Variants in PTPRT observed in about 807,000 individuals in gnomAD.
The protein encoded by PTPRT is receptor-type tyrosine-protein phosphatase T.
In PTPRT, 56 loss-of-function variants were observed where a neutral mutation model predicts 176.8. The observed-to-expected ratio is 0.32, with a 90% CI of 0.26 to 0.40. PTPRT has a LOEUF of 0.40. PTPRT is among the 10% of genes least tolerant of loss of function. The pLI is 1.00. For missense variants in PTPRT, 1,540 were observed against 1,908.2 expected (o/e 0.81, Z 3.60); for synonymous variants, 783 against 739.0 (o/e 1.06, Z -0.96).
intron 25 of PTPRT, 58 bp downstream of exon 25, chr20:42,104,511 T>G: frequency 6.6e-7 from 1 of 1,504,194 alleles, no homozygotes; most frequent in Non-Finnish European, 9.1e-7. Flanking sequence ...TCTATGGAAA[T>G]TTGTTATAAC....
intron 1 of PTPRT, among the ~76,000 whole-genome samples, chr20:42,922,446 T>C (rs2145955800): frequency 6.6e-6 from 1 of 152,348 alleles, no homozygotes; most frequent in Middle Eastern, 3.4e-3. Flanking sequence ...GACTCAGGCC[T>C]GTATATCTAA....
chr20:42,112,454 C>T lies in PTPRT; in HGVS notation c.3100-1967G>A, dbSNP rs192600979. 2.0e-5 allele frequency among the ~76,000 whole-genome samples: 3 copies of T among 152,304 alleles called. No homozygotes were observed. In the East Asian group the frequency reaches 5.8e-4, roughly 29 times the overall value. The stretch of plus-strand genomic sequence containing the variant: ...CTGGCTTGCCACTTGCTCAGTCTGC[C>T]CAGGACTGACGGGTTGCCCGGTACG... On this transcript the variant is annotated intron_variant, in intron 22 of 30. Coordinates refer to ENST00000373187, the MANE Select transcript of PTPRT (RefSeq NM_007050.6).
At chr20:42,891,059 C>T (rs1568663716) in intron 1 of PTPRT, among the ~76,000 whole-genome samples, 1 of 152,174 alleles carries the variant, frequency 6.6e-6, no homozygotes, top group African/African-American at 2.4e-5. Flanking sequence ...ACTGTGAATC[C>T]ACTAAACCTG....
At chr20:42,948,471 A>G (rs1198367325) in intron 1 of PTPRT, among the ~76,000 whole-genome samples, 1 of 152,198 alleles carries the variant, frequency 6.6e-6, no homozygotes, top group African/African-American at 2.4e-5. Flanking sequence ...CATGTGGCCC[A>G]ATACAAGCCA....
At chr20:42,837,642 A>T (rs1234094417) in intron 2 of PTPRT, among the ~76,000 whole-genome samples, 1 of 152,200 alleles carries the variant, frequency 6.6e-6, no homozygotes, top group Non-Finnish European at 1.5e-5. Context: ...GTATGTATTT[A>T]TTCAGGGACC....
intron 7 of PTPRT, among the ~76,000 whole-genome samples, chr20:42,668,028 C>A (rs1209646147): frequency 6.6e-6 from 1 of 152,150 alleles, no homozygotes; most frequent in Non-Finnish European, 1.5e-5. Flanking sequence ...GTTTCAGTCT[C>A]TGGAACTTCT....
At chr20:42,417,748 A>AT (rs1469589067) in intron 9 of PTPRT, among the ~76,000 whole-genome samples, 2 of 151,280 alleles carry the variant, frequency 1.3e-5, no homozygotes, top group African/African-American at 2.4e-5. Flanking sequence ...TTATTTATTC[A>AT]TTTTTTAGAG....
intron 7 of PTPRT, among the ~76,000 whole-genome samples, chr20:42,481,281 C>T (rs230155): frequency 0.27 from 41,636 of 151,986 alleles, 6,226 homozygotes; most frequent in African/African-American, 0.39. Flanking sequence ...AGGCAGCCGG[C>T]AATCCTCCTA....
intron 1 of PTPRT, chr20:43,063,491 G>C (rs140566008): frequency 6.6e-6 from 1 of 152,262 alleles, no homozygotes; most frequent in Non-Finnish European, 1.5e-5. Flanking sequence ...GACCATCCCC[G>C]AGAGAGTAGG....
intron 9 of PTPRT, among the ~76,000 whole-genome samples, chr20:42,363,294 A>AT (rs1568812729): frequency 5.2e-4 from 13 of 24,956 alleles, no homozygotes; most frequent in African/African-American, 1.8e-3. Flanking sequence ...ATATATATAT[A>AT]TATATATTTT....
At chr20:42,334,317 A>G (rs961503299) in intron 11 of PTPRT, among the ~76,000 whole-genome samples, 1 of 152,200 alleles carries the variant, frequency 6.6e-6, no homozygotes, top group Admixed American at 6.5e-5. Context: ...ATAAACAAAA[A>G]TATGTCCTGA....
At chr20:42,691,915 G>A (rs930152593) in intron 6 of PTPRT, among the ~76,000 whole-genome samples, 1 of 152,136 alleles carries the variant, frequency 6.6e-6, no homozygotes, top group Non-Finnish European at 1.5e-5. Flanking sequence ...GGAAGGAAAA[G>A]GTAAATATAT....
chr20:42,593,259 C>T (rs2073611493), intron 7 of PTPRT, among the ~76,000 whole-genome samples: 1 of 152,192 alleles, frequency 6.6e-6, no homozygotes, highest in African/African-American at 2.4e-5. Flanking sequence ...ACATCTTCAT[C>T]TAGTGGTCAC....
intron 6 of PTPRT, among the ~76,000 whole-genome samples, chr20:42,752,304 C>T (rs2145387741): frequency 6.6e-6 from 1 of 152,344 alleles, no homozygotes; most frequent in Non-Finnish European, 1.5e-5. Flanking sequence ...CTAAGAACTC[C>T]TACATCCATT....
chr20:43,168,797 C>T (rs11906296), intron 1 of PTPRT, among the ~76,000 whole-genome samples: 2 of 152,272 alleles, frequency 1.3e-5, no homozygotes, highest in South Asian at 2.1e-4. Context: ...CTCATCCCAC[C>T]GTGCCTTCAT....
chr20:42,682,235 C>T (rs1019036997), intron 6 of PTPRT, among the ~76,000 whole-genome samples: 1 of 152,176 alleles, frequency 6.6e-6, no homozygotes, highest in Admixed American at 6.5e-5. Flanking sequence ...AAACTGTGAA[C>T]TTTAAACAGA....
chr20:42,531,462 A>T (rs1002703458), intron 7 of PTPRT, among the ~76,000 whole-genome samples: 1 of 152,192 alleles, frequency 6.6e-6, no homozygotes, highest in Non-Finnish European at 1.5e-5. Context: ...TGCCCGACTC[A>T]CTGGTGCTGG....
At chr20:42,166,666 C>A (rs1989837616) in intron 16 of PTPRT, among the ~76,000 whole-genome samples, 1 of 152,098 alleles carries the variant, frequency 6.6e-6, no homozygotes. Flanking sequence ...TGCCTGTAAT[C>A]CCAGCAATTT....
chr20:42,792,186 G>A (rs1216733871), intron 2 of PTPRT, among the ~76,000 whole-genome samples: 1 of 152,138 alleles, frequency 6.6e-6, no homozygotes, highest in East Asian at 1.9e-4. Context: ...TGCCACCCCT[G>A]CAGCTGGAAT....
Sources: gnomAD v4.1 joint callset for allele counts (sites outside exome capture counted in the v4.1 genomes callset) on GRCh38, gnomAD v4.1.1 for gene constraint, MANE v1.5 for transcripts, NCBI Gene and HGNC (gene_info 2026-07-23, HGNC 2026-07-21) for gene names.